Variants in EPHA6 observed in about 807,000 individuals in gnomAD.
EPHA6 encodes EPH receptor A6.
A neutral mutation model predicts 112.0 loss-of-function variants in EPHA6; 50 were observed. The observed-to-expected ratio is 0.45, with a 90% confidence interval of 0.36 to 0.56. The LOEUF is 0.56. Ranked by LOEUF, EPHA6 falls within the 20% of genes least tolerant of loss-of-function variation. The probability of loss-of-function intolerance (pLI) is 0.00; values close to 1 mark genes in which losing one functional copy is unlikely to be tolerated. For missense variants in EPHA6, 1,280 were observed against 1,417.4 expected (o/e 0.90, Z 1.56); for synonymous variants, 529 against 490.7 (o/e 1.08, Z -1.03).
intron 1 of EPHA6, among the ~76,000 whole-genome samples, chr3:96,837,122 T>C (rs544035535): frequency 7.9e-5 from 12 of 152,250 alleles, no homozygotes; most frequent in African/African-American, 2.9e-4. Flanking sequence ...TGACTTTTCA[T>C]ATTGGCTATT....
intron 2 of EPHA6, among the ~76,000 whole-genome samples, chr3:96,982,864 C>G (rs1459249915): frequency 6.6e-6 from 1 of 152,132 alleles, no homozygotes; most frequent in Non-Finnish European, 1.5e-5. Context: ...TTATCAGAGA[C>G]TAGGATTGCA....
intron 3 of EPHA6, among the ~76,000 whole-genome samples, chr3:97,150,871 C>T (rs2076154975): frequency 6.6e-6 from 1 of 152,096 alleles, no homozygotes. Flanking sequence ...ATGTTCACTT[C>T]TGAGCCAAAT....
At chr3:97,359,519 T>C (rs1220449414) in intron 5 of EPHA6, among the ~76,000 whole-genome samples, 1 of 151,976 alleles carries the variant, frequency 6.6e-6, no homozygotes, top group Non-Finnish European at 1.5e-5. Flanking sequence ...TTTTTGTTTG[T>C]TTGTTTAAGT....
intron 2 of EPHA6, among the ~76,000 whole-genome samples, chr3:96,921,203 G>T (rs1332990672): frequency 6.6e-6 from 1 of 152,040 alleles, no homozygotes; most frequent in African/African-American, 2.4e-5. Flanking sequence ...AGGCAGTATA[G>T]TGTAACTTTC....
intron 3 of EPHA6, among the ~76,000 whole-genome samples, chr3:97,119,998 A>G (rs1435108412): frequency 6.6e-6 from 1 of 151,980 alleles, no homozygotes. Flanking sequence ...CCCAAAAGTC[A>G]CTGATAAAAT....
intron 14 of EPHA6, among the ~76,000 whole-genome samples, chr3:97,683,342 C>T (rs1021442595): frequency 5.9e-5 from 9 of 152,046 alleles, no homozygotes; most frequent in African/African-American, 1.7e-4. Context: ...CTTATATATG[C>T]AGTACCACTC....
intron 1 of EPHA6, among the ~76,000 whole-genome samples, chr3:96,840,274 G>T (rs1189273917): frequency 6.6e-6 from 1 of 152,056 alleles, no homozygotes; most frequent in African/African-American, 2.4e-5. Context: ...TCTGCCTTTT[G>T]TTGGCAAAAT....
At chr3:96,916,243 C>G (rs531259591) in intron 2 of EPHA6, among the ~76,000 whole-genome samples, 1 of 152,070 alleles carries the variant, frequency 6.6e-6, no homozygotes, top group African/African-American at 2.4e-5. Context: ...TGGGACAGAG[C>G]CTTTGGAAAG....
At chr3:97,489,554 C>T (rs942219919) in intron 10 of EPHA6, among the ~76,000 whole-genome samples, 3 of 151,488 alleles carry the variant, frequency 2.0e-5, no homozygotes, top group Non-Finnish European at 4.4e-5. Context: ...GGCGTTGTGG[C>T]GGGTGCCTGT....
chr3:97,341,715 A>G (rs1005252638), intron 5 of EPHA6, among the ~76,000 whole-genome samples: 1 of 152,132 alleles, frequency 6.6e-6, no homozygotes, highest in African/African-American at 2.4e-5. Context: ...TTATAATTCA[A>G]TGTTTTACAT....
chr3:97,112,724 C>T (rs1314015809), intron 3 of EPHA6, among the ~76,000 whole-genome samples: 1 of 151,630 alleles, frequency 6.6e-6, no homozygotes, highest in African/African-American at 2.4e-5. Flanking sequence ...GGTCTTCGTT[C>T]AGAGGATTCA....
intron 6 of EPHA6, among the ~76,000 whole-genome samples, chr3:97,416,503 C>G (rs1036435025): frequency 1.4e-4 from 22 of 152,064 alleles, no homozygotes; most frequent in Middle Eastern, 3.4e-3. Flanking sequence ...GTAAAGGGAA[C>G]ATAAGTGTGA....
At chr3:97,399,876 T>A (rs1345744581) in intron 5 of EPHA6, among the ~76,000 whole-genome samples, 2 of 151,550 alleles carry the variant, frequency 1.3e-5, no homozygotes, top group African/African-American at 4.8e-5. Context: ...ATATCTTCTC[T>A]TGTTTTTCAG....
chr3:96,930,992 CAA>C (rs754917681), intron 2 of EPHA6, among the ~76,000 whole-genome samples: 908 of 34,722 alleles, frequency 0.026, 20 homozygotes, highest in African/African-American at 0.051. Context: ...ACTCTGTCTC[CAA>C]AAAAAAAAAA....
intron 2 of EPHA6, among the ~76,000 whole-genome samples, chr3:96,963,805 A>G (rs1227650961): frequency 6.6e-6 from 1 of 152,186 alleles, no homozygotes; most frequent in African/African-American, 2.4e-5. Context: ...ATCAGTTTTT[A>G]TAAAACTCTG....
At chr3:97,506,941 G>T (rs2092265327) in intron 10 of EPHA6, among the ~76,000 whole-genome samples, 1 of 152,146 alleles carries the variant, frequency 6.6e-6, no homozygotes, top group African/African-American at 2.4e-5. Flanking sequence ...CATGCGAGTG[G>T]AAGTTCACTC....
rs141927915 is a variant in EPHA6, at chr3:97,027,058, A to G, written c.1114+39065A>G. Among the ~76,000 whole-genome samples, 324 of 152,338 alleles carry G rather than the reference A, an allele frequency of 2.1e-3. 1 individual carries two copies. The highest frequency in any genetic ancestry group is 7.3e-3 in the African/African-American group (303 of 41,582). ...CAATCTAAATGCCCATCAGTGATAG[A>G]CTGGATAAAGAAAACGTGGTACATG... On this transcript the variant is annotated intron_variant, in intron 3 of 17. Transcript: ENST00000389672.
chr3:96,822,574 A>G (rs1471509289), intron 1 of EPHA6, among the ~76,000 whole-genome samples: 1 of 151,782 alleles, frequency 6.6e-6, no homozygotes, highest in Non-Finnish European at 1.5e-5. Flanking sequence ...ATGAAATAAC[A>G]TTGCCTTAGA....
chr3:96,876,818 G>C (rs913359217), intron 2 of EPHA6, among the ~76,000 whole-genome samples: 2 of 151,568 alleles, frequency 1.3e-5, no homozygotes, highest in African/African-American at 4.9e-5. Flanking sequence ...TTTTCCTATT[G>C]GTCTCTTAAG....
Sources: allele counts gnomAD v4.1 joint callset (sites outside exome capture counted in the v4.1 genomes callset), GRCh38; gene constraint gnomAD v4.1.1; transcripts MANE v1.5; gene names NCBI Gene and HGNC (gene_info 2026-07-23, HGNC 2026-07-21).